NDST3: variants seen among roughly 807,000 people sequenced by gnomAD.
NDST3 encodes the protein bifunctional heparan sulfate N-deacetylase/N-sulfotransferase 3.
Under a neutral mutation model 96.1 loss-of-function variants are expected in NDST3, and 58 were observed. The ratio of observed to expected loss-of-function variants is 0.60; its 90% CI spans 0.49 to 0.75. The LOEUF (loss-of-function observed/expected upper bound fraction) is 0.75, where lower values mean the gene tolerates loss of function less well. Among genes scored for constraint, NDST3 ranks in the 30% least tolerant of loss-of-function variants. The probability of loss-of-function intolerance (pLI) is 0.00; values close to 1 mark genes in which losing one functional copy is unlikely to be tolerated. For synonymous variants in NDST3, 333 were observed against 359.7 expected (o/e 0.93, Z 0.84); for missense variants, 788 against 1,034.2 (o/e 0.76, Z 3.27).
At chr4:118,126,750 T>A (rs1446162753) in intron 4 of NDST3, among the ~76,000 whole-genome samples, 2 of 151,872 alleles carry the variant, frequency 1.3e-5, no homozygotes, top group Non-Finnish European at 2.9e-5. Flanking sequence ...CTAATTTTAG[T>A]TTTTTGAGAA....
At chr4:118,232,410 G>C (rs1740360794) in intron 8 of NDST3, among the ~76,000 whole-genome samples, 2 of 151,926 alleles carry the variant, frequency 1.3e-5, no homozygotes, top group South Asian at 4.1e-4. Context: ...TGGAAGGATT[G>C]CATGAGCTCA....
chr4:118,066,355 C>T lies in NDST3; in HGVS notation c.981+11464C>T, dbSNP rs368546067. On this transcript the variant is annotated intron_variant, in intron 2 of 13. Transcript: ENST00000296499. ...ATTATATATATTATATATCATATAT[C>T]ATATGTTATATATTATATATCATAT... is the stretch of plus-strand genomic sequence containing the variant. Among the ~76,000 whole-genome samples, 5 of 716 alleles carry T rather than the reference C, an allele frequency of 7.0e-3. 1 individual carries two copies. Among genetic ancestry groups the T allele is most frequent in the Non-Finnish European group, 8.5e-3 (1 of 118 alleles). 0.5% of individuals were successfully genotyped at this position (716 alleles called of 152,430 possible).
At chr4:118,114,990 A>C in intron 4 of NDST3, 30 bp downstream of exon 4, 1 of 1,598,196 alleles carries the variant, frequency 6.3e-7, no homozygotes, top group South Asian at 1.1e-5. Flanking sequence ...GCATTGAAGT[A>C]GTGTACACTG....
chr4:118,251,104 ATTTAT>A (rs1282810707), intron 12 of NDST3, among the ~76,000 whole-genome samples: 1 of 139,158 alleles, frequency 7.2e-6, no homozygotes, highest in Non-Finnish European at 1.6e-5. Context: ...TTATTTATTT[ATTTAT>A]TTATTTATTA....
intron 2 of NDST3, among the ~76,000 whole-genome samples, chr4:118,102,412 A>G (rs552401388): frequency 8.5e-5 from 13 of 152,196 alleles, no homozygotes; most frequent in African/African-American, 3.1e-4. Flanking sequence ...GCTTGCCCAG[A>G]ATACATGTGG....
intron 6 of NDST3, among the ~76,000 whole-genome samples, chr4:118,169,199 T>C (rs781383496): frequency 6.6e-5 from 10 of 152,162 alleles, no homozygotes; most frequent in Non-Finnish European, 1.0e-4. Context: ...GAAGAAATAA[T>C]CAGACAAATG....
intron 12 of NDST3, among the ~76,000 whole-genome samples, chr4:118,242,516 G>A (rs970532471): frequency 6.6e-6 from 1 of 152,190 alleles, no homozygotes; most frequent in African/African-American, 2.4e-5. Context: ...TAACTAGGTA[G>A]TTTAGGAACT....
At position 118,162,987 on chromosome 4, in the gene NDST3, A is replaced by G. The variant is rs1202391436; in HGVS notation, c.1539+19303A>G. Among the ~76,000 whole-genome samples, 983 of 150,640 alleles carry G rather than the reference A, an allele frequency of 6.5e-3. 7 individuals carry two copies. Among genetic ancestry groups the G allele is most frequent in the African/African-American group, 0.023 (942 of 41,108 alleles). On this transcript the variant is annotated intron_variant, in intron 6 of 13. Coordinates refer to ENST00000296499, the MANE Select transcript of NDST3 (RefSeq NM_004784.3). Reference sequence around the variant, plus strand: ...AAAGAAGACATTTATGCAGCCAAAAAACACATGAAAAAATGCTCACCATCA... The same window carrying G: ...AAAGAAGACATTTATGCAGCCAAAAGACACATGAAAAAATGCTCACCATCA...
In NDST3 at chr4:118,206,625, A is replaced by G. The variant is rs1273998949; in HGVS notation, c.1540-17866A>G. Among the ~76,000 whole-genome samples the G allele has an allele frequency of 1.4e-5, 2 of 144,814 alleles. 1 individual carries two copies. Among genetic ancestry groups the G allele is most frequent in the Non-Finnish European group, 3.1e-5 (2 of 65,362 alleles). On this transcript the variant is annotated intron_variant, in intron 6 of 13. Coordinates refer to ENST00000296499, the MANE Select transcript of NDST3 (RefSeq NM_004784.3). ...AGGAGTTACTGATATTTCCTAAGCA[A>G]AGGACTTTTGTTTTAGGAGGATTTC...
intron 4 of NDST3, among the ~76,000 whole-genome samples, chr4:118,115,524 A>G (rs763577776): frequency 9.2e-5 from 14 of 152,220 alleles, no homozygotes; most frequent in Non-Finnish European, 1.6e-4. Context: ...ATGAGGTAAT[A>G]AAGACTCAAT....
chr4:118,156,482 A>C (rs552401521), intron 6 of NDST3, among the ~76,000 whole-genome samples: 1 of 152,292 alleles, frequency 6.6e-6, no homozygotes, highest in South Asian at 2.1e-4. Flanking sequence ...ACACTGCAAA[A>C]GTTTTGGCAC....
intron 8 of NDST3, among the ~76,000 whole-genome samples, chr4:118,227,238 TCC>T (rs35034865): frequency 0.18 from 26,234 of 148,808 alleles, 2,542 homozygotes; most frequent in South Asian, 0.23. Context: ...TTTTTTTTTT[TCC>T]CCCCCAAATG....
At chr4:118,042,890 C>T (rs1186121695) in intron 1 of NDST3, among the ~76,000 whole-genome samples, 1 of 152,228 alleles carries the variant, frequency 6.6e-6, no homozygotes, top group African/African-American at 2.4e-5. Context: ...CTGTCTCTCT[C>T]TCTCTCTTCT....
chr4:118,215,873 G>A (rs1739162509), intron 6 of NDST3, among the ~76,000 whole-genome samples: 1 of 152,096 alleles, frequency 6.6e-6, no homozygotes, highest in South Asian at 2.1e-4. Flanking sequence ...GATGATTAGG[G>A]AAAGTAGGGA....
intron 6 of NDST3, among the ~76,000 whole-genome samples, chr4:118,219,270 C>T (rs1343689252): frequency 1.3e-5 from 2 of 152,120 alleles, no homozygotes; most frequent in African/African-American, 4.8e-5. Context: ...CTGGAGGCAT[C>T]ACGCTACCTG....
intron 2 of NDST3, among the ~76,000 whole-genome samples, chr4:118,082,920 G>C (rs937144578): frequency 6.6e-6 from 1 of 152,066 alleles, no homozygotes; most frequent in Non-Finnish European, 1.5e-5. Flanking sequence ...GCCAGAGAAG[G>C]AGTAAGAGAG....
intron 6 of NDST3, among the ~76,000 whole-genome samples, chr4:118,189,233 T>C (rs575461578): frequency 6.6e-6 from 1 of 152,128 alleles, no homozygotes; most frequent in South Asian, 2.1e-4. Flanking sequence ...GTATTTTTAG[T>C]AGAGATGGGG....
chr4:118,145,111 T>C (rs1733848440), intron 6 of NDST3, among the ~76,000 whole-genome samples: 1 of 152,126 alleles, frequency 6.6e-6, no homozygotes, highest in Admixed American at 6.6e-5. Context: ...ATATAATAAC[T>C]CTTCTAACTT....
At chr4:118,119,987 G>C (rs1449246575) in intron 4 of NDST3, among the ~76,000 whole-genome samples, 1 of 151,994 alleles carries the variant, frequency 6.6e-6, no homozygotes, top group Non-Finnish European at 1.5e-5. Context: ...GAAGAGACTA[G>C]AATCAGTATA....
Sources: gnomAD v4.1 joint callset for allele counts (sites outside exome capture counted in the v4.1 genomes callset) on GRCh38, gnomAD v4.1.1 for gene constraint, MANE v1.5 for transcripts, NCBI Gene and HGNC (gene_info 2026-07-23, HGNC 2026-07-21) for gene names.